PIK3C2G: variants seen among roughly 807,000 people sequenced by gnomAD.
The protein encoded by PIK3C2G is phosphatidylinositol 3-kinase C2 domain-containing subunit gamma.
A neutral mutation model predicts 181.1 loss-of-function variants in PIK3C2G; 168 were observed. The ratio of observed to expected loss-of-function variants is 0.93; its 90% CI spans 0.82 to 1.05. The LOEUF (loss-of-function observed/expected upper bound fraction) is 1.05. Ranked by LOEUF, PIK3C2G falls within the 50% of genes least tolerant of loss-of-function variation. The pLI is 0.00. For missense variants in PIK3C2G, 1,869 were observed against 1,732.8 expected, an observed-to-expected ratio of 1.08 and a Z score of -1.40; for synonymous variants, 573 against 592.2, an observed-to-expected ratio of 0.97 and a Z score of 0.47.
chr12:18,666,321 C>G, the PIK3C2G span, among the ~76,000 whole-genome samples: 5 of 151,888 alleles, frequency 3.3e-5, no homozygotes, highest in African/African-American at 4.8e-5. Context: ...TTAAGAAGCA[C>G]GATCCAATTA....
At chr12:18,472,134 G>T (rs1938520302) in intron 18 of PIK3C2G, among the ~76,000 whole-genome samples, 1 of 151,938 alleles carries the variant, frequency 6.6e-6, no homozygotes, top group South Asian at 2.1e-4. Flanking sequence ...TACTTTTCTT[G>T]ATTCAAAAAT....
intron 14 of PIK3C2G, among the ~76,000 whole-genome samples, chr12:18,386,608 C>T (rs569106668): frequency 7.9e-5 from 12 of 151,964 alleles, no homozygotes; most frequent in East Asian, 1.9e-4. Context: ...GTGGTAGCCC[C>T]GATTGGGATT....
At chr12:18,610,274 G>A (rs1592710233) in intron 31 of PIK3C2G, among the ~76,000 whole-genome samples, 1 of 151,976 alleles carries the variant, frequency 6.6e-6, no homozygotes. Flanking sequence ...AGACAAAATG[G>A]GTTCTCCACG....
At chr12:18,547,008 G>T (rs1246410342) in intron 26 of PIK3C2G, among the ~76,000 whole-genome samples, 1 of 151,868 alleles carries the variant, frequency 6.6e-6, no homozygotes, top group Non-Finnish European at 1.5e-5. Flanking sequence ...TTTTTAAATG[G>T]ATATATAATT....
chr12:18,403,112 C>T (rs772559188), intron 16 of PIK3C2G, among the ~76,000 whole-genome samples: 38 of 152,012 alleles, frequency 2.5e-4, no homozygotes, highest in Non-Finnish European at 3.8e-4. Context: ...CTATCCTAAA[C>T]GGTTTTTTAA....
intron 16 of PIK3C2G, among the ~76,000 whole-genome samples, chr12:18,402,259 A>C (rs904908932): frequency 1.3e-5 from 2 of 152,184 alleles, no homozygotes; most frequent in Non-Finnish European, 2.9e-5. Context: ...TGCTAAGTGA[A>C]AGAAGCCAGT....
chr12:18,426,803 G>A (rs1054217141), intron 18 of PIK3C2G, among the ~76,000 whole-genome samples: 6 of 152,136 alleles, frequency 3.9e-5, no homozygotes, highest in African/African-American at 1.4e-4. Flanking sequence ...GAACTTGGTC[G>A]GAGACTGTTT....
At chr12:18,282,921 AT>A (rs1017848749) in intron 2 of PIK3C2G, among the ~76,000 whole-genome samples, 162 bp downstream of exon 2, 2 of 145,502 alleles carry the variant, frequency 1.4e-5, no homozygotes, top group African/African-American at 2.5e-5. Flanking sequence ...TGTATTAATG[AT>A]TTTTTTTCTG....
chr12:18,553,257 A>AT (rs796175762), intron 26 of PIK3C2G, among the ~76,000 whole-genome samples: 8 of 151,952 alleles, frequency 5.3e-5, no homozygotes, highest in Middle Eastern at 3.4e-3. Context: ...GTTAAGATTT[A>AT]TTTTTTTTGC....
At chr12:18,283,223 G>A (rs761191825) in intron 2 of PIK3C2G, among the ~76,000 whole-genome samples, 4 of 151,922 alleles carry the variant, frequency 2.6e-5, no homozygotes, top group African/African-American at 4.8e-5. Flanking sequence ...TAATTTATAC[G>A]ATTGGCAGGC....
chr12:18,700,057 A>G, the PIK3C2G span: 14 of 960,110 alleles, frequency 1.5e-5, no homozygotes, highest in Middle Eastern at 1.3e-3. Flanking sequence ...TCATCTTTTC[A>G]TAAGATTATC....
intron 30 of PIK3C2G, among the ~76,000 whole-genome samples, chr12:18,601,964 G>A (rs971852188): frequency 1.3e-5 from 2 of 152,100 alleles, no homozygotes; most frequent in Non-Finnish European, 2.9e-5. Context: ...CAGAGGAGGG[G>A]GTAAAACTGC....
the PIK3C2G span, among the ~76,000 whole-genome samples, chr12:18,654,633 A>C: frequency 6.6e-6 from 1 of 152,218 alleles, no homozygotes; most frequent in African/African-American, 2.4e-5. Context: ...TATTCCAGGT[A>C]AAAGTAAAGC....
intron 16 of PIK3C2G, among the ~76,000 whole-genome samples, chr12:18,402,907 T>C (rs1944330666): frequency 6.6e-6 from 1 of 152,164 alleles, no homozygotes; most frequent in Non-Finnish European, 1.5e-5. Context: ...AACCTTATGA[T>C]GGAAATACTA....
intron 16 of PIK3C2G, among the ~76,000 whole-genome samples, chr12:18,410,851 C>G (rs1056080208): frequency 6.6e-6 from 1 of 152,148 alleles, no homozygotes; most frequent in Non-Finnish European, 1.5e-5. Flanking sequence ...GGCTTTATGA[C>G]AGTGACTTTT....
At chr12:18,492,795 C>A (rs1230124282) in intron 20 of PIK3C2G, among the ~76,000 whole-genome samples, 2 of 152,070 alleles carry the variant, frequency 1.3e-5, no homozygotes, top group Non-Finnish European at 2.9e-5. Flanking sequence ...TTGGCATGTG[C>A]AGGTGCACCG....
intron 3 of PIK3C2G, among the ~76,000 whole-genome samples, chr12:18,289,908 T>C (rs184952714): frequency 2.6e-5 from 4 of 152,232 alleles, no homozygotes; most frequent in African/African-American, 9.6e-5. Flanking sequence ...AGATTTCATA[T>C]TCACCCTCAG....
chr12:18,445,585 G>A (rs7133181), intron 18 of PIK3C2G, among the ~76,000 whole-genome samples: 23,871 of 151,898 alleles, frequency 0.16, 2,236 homozygotes, highest in African/African-American at 0.26. Context: ...GCTTTTAAAT[G>A]CTAATTACAG....
At chr12:18,299,034 T>A (rs1417802329) in intron 5 of PIK3C2G, among the ~76,000 whole-genome samples, 1 of 151,998 alleles carries the variant, frequency 6.6e-6, no homozygotes, top group Non-Finnish European at 1.5e-5. Flanking sequence ...CTATTTGGGC[T>A]CTTTTTTACT....
Sources: gnomAD v4.1 joint callset for allele counts (sites outside exome capture counted in the v4.1 genomes callset) on GRCh38, gnomAD v4.1.1 for gene constraint, MANE v1.5 for transcripts, NCBI Gene and HGNC (gene_info 2026-07-23, HGNC 2026-07-21) for gene names.